TASP1: variants seen among roughly 807,000 people sequenced by gnomAD.
TASP1 encodes threonine aspartase 1.
TASP1 carries 16 observed loss-of-function variants against 56.6 expected under a neutral mutation model. That is an observed-to-expected ratio of 0.28 (90% confidence interval 0.19 to 0.43). TASP1 has a LOEUF of 0.43. Ranked by LOEUF, TASP1 falls within the 20% of genes least tolerant of loss-of-function variation. The pLI is 1.00. For synonymous variants in TASP1, 179 were observed against 184.2 expected, an observed-to-expected ratio of 0.97 and a Z score of 0.23; for missense variants, 393 against 511.6, an observed-to-expected ratio of 0.77 and a Z score of 2.24.
chr20:13,576,342 G>GAAGAAAGAAAGAA (rs2046914440), intron 6 of TASP1, among the ~76,000 whole-genome samples: 1 of 131,650 alleles, frequency 7.6e-6, no homozygotes, highest in East Asian at 2.2e-4. Flanking sequence ...AGAAAGAAAG[G>GAAGAAAGAAAGAA]AAGAAAGAAA....
At chr20:13,432,954 G>T (rs1374871808) in intron 12 of TASP1, among the ~76,000 whole-genome samples, 1 of 151,812 alleles carries the variant, frequency 6.6e-6, no homozygotes, top group Admixed American at 6.6e-5. Flanking sequence ...AAACACTAGG[G>T]GTTATTCTTC....
At chr20:13,357,138 C>T in the TASP1 span, among the ~76,000 whole-genome samples, 1 of 148,674 alleles carries the variant, frequency 6.7e-6, no homozygotes, top group Non-Finnish European at 1.5e-5. Flanking sequence ...ATAGATGATA[C>T]TAAATTGTGC....
chr20:13,355,317 T>A, the TASP1 span, among the ~76,000 whole-genome samples: 4 of 152,278 alleles, frequency 2.6e-5, no homozygotes, highest in South Asian at 4.1e-4. Flanking sequence ...TCCTGGGATA[T>A]AGATCAGAGA....
chr20:13,571,674 C>T (rs1396073964), intron 6 of TASP1, among the ~76,000 whole-genome samples: 3 of 152,188 alleles, frequency 2.0e-5, no homozygotes, highest in African/African-American at 7.2e-5. Flanking sequence ...AAATACAAGT[C>T]AGGTAATGGC....
chr20:13,588,335 AGG>A (rs2047398219), intron 4 of TASP1, among the ~76,000 whole-genome samples: 1 of 151,752 alleles, frequency 6.6e-6, no homozygotes, highest in Non-Finnish European at 1.5e-5. Flanking sequence ...GAAGGAAGGA[AGG>A]AAGGAAGGAA....
the TASP1 span, among the ~76,000 whole-genome samples, chr20:13,289,694 G>A: frequency 6.6e-6 from 1 of 151,666 alleles, no homozygotes; most frequent in African/African-American, 2.4e-5. Flanking sequence ...AGGAAGAGGA[G>A]GAGGAAGCTG....
the TASP1 span, chr20:13,167,021 A>T: frequency 9.3e-4 from 141 of 152,336 alleles, no homozygotes; most frequent in African/African-American, 3.3e-3. Context: ...TGTTTCTGTT[A>T]GAGAGTCCAT....
intron 13 of TASP1, among the ~76,000 whole-genome samples, chr20:13,405,122 C>T (rs1000185386): frequency 1.3e-5 from 2 of 152,116 alleles, no homozygotes; most frequent in Admixed American, 6.5e-5. Flanking sequence ...GCAGCAACTT[C>T]GCCTGAAAAA....
the TASP1 span, chr20:13,299,562 T>G: frequency 1.0e-6 from 1 of 990,614 alleles, no homozygotes; most frequent in South Asian, 1.5e-5. The surrounding 1 kb of genome is among the most constrained non-coding windows in gnomAD (Gnocchi z 5.8). Flanking sequence ...TGCGGTCGTG[T>G]ATATTTGTAT....
the TASP1 span, among the ~76,000 whole-genome samples, chr20:13,315,006 G>A: frequency 6.6e-6 from 1 of 151,896 alleles, no homozygotes; most frequent in African/African-American, 2.4e-5. Context: ...AAAATCTAGA[G>A]CAACTGCTAA....
the TASP1 span, among the ~76,000 whole-genome samples, chr20:13,217,578 C>T: frequency 6.6e-6 from 1 of 152,040 alleles, no homozygotes; most frequent in African/African-American, 2.4e-5. Context: ...TAATGAAAGA[C>T]AAAATCTACG....
chr20:13,624,485 C>A (rs2048818737), intron 3 of TASP1, among the ~76,000 whole-genome samples: 1 of 152,062 alleles, frequency 6.6e-6, no homozygotes, highest in Admixed American at 6.6e-5. Context: ...GTATAATCTT[C>A]TTTTTAATGT....
the TASP1 span, among the ~76,000 whole-genome samples, chr20:13,261,650 AC>A: frequency 6.6e-6 from 1 of 152,186 alleles, no homozygotes; most frequent in Admixed American, 6.5e-5. Context: ...AGTACCCTGA[AC>A]CCTTTTCAGG....
At chr20:13,432,857 G>A (rs1411483023) in intron 12 of TASP1, among the ~76,000 whole-genome samples, 2 of 152,174 alleles carry the variant, frequency 1.3e-5, no homozygotes, top group Non-Finnish European at 2.9e-5. Context: ...ATGGGTAAGA[G>A]TCCAGGCTCA....
At chr20:13,146,773 A>T in the TASP1 span, among the ~76,000 whole-genome samples, 1 of 152,266 alleles carries the variant, frequency 6.6e-6, no homozygotes, top group African/African-American at 2.4e-5. Context: ...CATAGTGAGT[A>T]CTTTTCATTT....
intron 12 of TASP1, among the ~76,000 whole-genome samples, chr20:13,427,635 CA>C (rs1241797644): frequency 6.6e-6 from 1 of 152,062 alleles, no homozygotes; most frequent in Non-Finnish European, 1.5e-5. Context: ...GGAGAAAGCA[CA>C]GTAGTAAGAT....
intron 11 of TASP1, among the ~76,000 whole-genome samples, chr20:13,436,364 G>C (rs962236465): frequency 6.8e-6 from 1 of 147,568 alleles, no homozygotes; most frequent in South Asian, 2.1e-4. Flanking sequence ...AAAAAAAAAG[G>C]AGGAGGAGGA....
intron 1 of TASP1, among the ~76,000 whole-genome samples, chr20:13,632,629 C>T (rs1335206237): frequency 6.6e-6 from 1 of 152,116 alleles, no homozygotes; most frequent in African/African-American, 2.4e-5. Context: ...CTCCAAAAAT[C>T]CTGGCCCTAA....
chr20:13,163,656 G>A, the TASP1 span, among the ~76,000 whole-genome samples: 3 of 152,050 alleles, frequency 2.0e-5, no homozygotes, highest in East Asian at 1.9e-4. Flanking sequence ...ATCAATTACT[G>A]TTAACAAGTT....
Sources: gnomAD v4.1 joint callset for allele counts (sites outside exome capture counted in the v4.1 genomes callset) on GRCh38, gnomAD v4.1.1 for gene constraint, Gnocchi (gnomAD v3.1) non-coding constraint, MANE v1.5 for transcripts, NCBI Gene and HGNC (gene_info 2026-07-23, HGNC 2026-07-21) for gene names.